Variants in SVEP1 observed in about 807,000 individuals in gnomAD.
The protein encoded by SVEP1 is sushi, von Willebrand factor type A, EGF and pentraxin domain containing 1, also known as sushi, von Willebrand factor type A, EGF and pentraxin domain-containing protein 1.
A neutral mutation model predicts 367.3 loss-of-function variants in SVEP1; 164 were observed. The observed-to-expected ratio is 0.45, with a 90% CI of 0.39 to 0.51. The LOEUF (loss-of-function observed/expected upper bound fraction) is 0.51, where lower values mean the gene tolerates loss of function less well. SVEP1 is among the 20% of genes least tolerant of loss of function. The pLI is 0.00. For synonymous variants in SVEP1, 1,666 were observed against 1,611.6 expected (o/e 1.03, Z -0.81); for missense variants, 4,117 against 4,425.3 (o/e 0.93, Z 1.98).
At chr9:110,494,726 A>G (rs527428983) in intron 8 of SVEP1, among the ~76,000 whole-genome samples, 1 of 152,162 alleles carries the variant, frequency 6.6e-6, no homozygotes, top group African/African-American at 2.4e-5. Flanking sequence ...CTTTGAGTTC[A>G]TGTTCTATTA....
At chr9:110,395,055 T>C (rs1827734343) in intron 40 of SVEP1, among the ~76,000 whole-genome samples, 2 of 152,282 alleles carry the variant, frequency 1.3e-5, no homozygotes, top group South Asian at 4.2e-4. Flanking sequence ...AATTGTCAGA[T>C]TCACCAAAGT....
chr9:110,392,120 A>G (rs1039705450), intron 40 of SVEP1, among the ~76,000 whole-genome samples: 10 of 114,590 alleles, frequency 8.7e-5, no homozygotes, highest in African/African-American at 3.6e-4. Flanking sequence ...TTAACTTGTG[A>G]CCCAATTCCT....
chr9:110,453,850 C>T (rs561154972), intron 22 of SVEP1, among the ~76,000 whole-genome samples: 2 of 148,272 alleles, frequency 1.3e-5, no homozygotes, highest in South Asian at 4.3e-4. Flanking sequence ...GCCTGGGCGA[C>T]ACAGCGAGAC....
In SVEP1 at chr9:110,549,945, G is replaced by A. The variant is rs754726492; in HGVS notation, c.691C>T (p.Leu231=). ...FGIWQGNIRE[L]NDMASTPKEE... ...TTTGGGGTGGAAGCCATGTCATTCAGCTCTCGAATGTTCCCTTGCCATATG... is the reference window on the plus strand; with the variant it reads ...TTTGGGGTGGAAGCCATGTCATTCAACTCTCGAATGTTCCCTTGCCATATG... The change falls in exon 2 of 48, where the codon CTG becomes TTG. Residue 231 remains leucine, a synonymous_variant. Coordinates refer to ENST00000374469, the MANE Select transcript of SVEP1 (RefSeq NM_153366.4). 2.5e-6 allele frequency: 4 copies of A among 1,614,020 alleles called. No individual in the cohort carries two copies. Among genetic ancestry groups the A allele is most frequent in the Non-Finnish European group, 3.4e-6 (4 of 1,179,896 alleles).
chr9:110,540,208 T>C (rs1830127375), intron 3 of SVEP1, among the ~76,000 whole-genome samples: 1 of 152,012 alleles, frequency 6.6e-6, no homozygotes, highest in Admixed American at 6.6e-5. Context: ...AGGTGAAAGG[T>C]AAAGGATGAA....
intron 46 of SVEP1, among the ~76,000 whole-genome samples, chr9:110,372,156 A>C (rs1257523227): frequency 1.3e-5 from 2 of 152,004 alleles, no homozygotes; most frequent in Non-Finnish European, 2.9e-5. Flanking sequence ...AGCTGCAATG[A>C]TTTTCTTCTG....
intron 1 of SVEP1, among the ~76,000 whole-genome samples, chr9:110,566,235 T>G (rs1830491334): frequency 6.6e-6 from 1 of 151,780 alleles, no homozygotes; most frequent in African/African-American, 2.4e-5. Context: ...TGTGGGAGAA[T>G]CACTTGAACC....
chr9:110,471,718 GA>G (rs1365853294), intron 15 of SVEP1, 121 bp from the exon 16 acceptor site: 10 of 709,294 alleles, frequency 1.4e-5, no homozygotes, highest in Admixed American at 9.1e-5. Flanking sequence ...GTGGTCTATA[GA>G]AAAAAAATAA....
intron 13 of SVEP1, 52 bp from the exon 14 acceptor site, chr9:110,476,367 T>C: frequency 7.3e-7 from 1 of 1,376,752 alleles, no homozygotes. Flanking sequence ...TCTGCATGCC[T>C]TGGATAAACA....
chr9:110,374,960 T>TG (rs1422461050), intron 46 of SVEP1, among the ~76,000 whole-genome samples: 6 of 15,158 alleles, frequency 4.0e-4, no homozygotes, highest in African/African-American at 3.7e-3. Context: ...GGATAAAGTG[T>TG]TTTTTTTTTC....
chr9:110,397,138 A>G (rs1409941886), intron 40 of SVEP1, among the ~76,000 whole-genome samples: 5 of 152,242 alleles, frequency 3.3e-5, no homozygotes, highest in Non-Finnish European at 4.4e-5. Flanking sequence ...CAAAAAGCTT[A>G]TCCACCATGA....
intron 38 of SVEP1, among the ~76,000 whole-genome samples, chr9:110,405,712 T>G (rs1242000749): frequency 1.3e-5 from 2 of 152,224 alleles, no homozygotes; most frequent in Non-Finnish European, 2.9e-5. Context: ...ATAAGATATT[T>G]CTTTTAATCC....
In SVEP1 at chr9:110,406,989, G is replaced by T; in HGVS notation, c.8611C>A (p.Arg2871=). Residue 2871 remains arginine (R), a synonymous_variant, in exon 38 of 48, where the codon CGG becomes AGG. Transcript: ENST00000374469. ...CAACTTCCATTGGCAAGACAAACCCGACTCCTGGCTCCCTCAAGCAAGAAC... is the reference window on the plus strand; with the variant it reads ...CAACTTCCATTGGCAAGACAAACCCTACTCCTGGCTCCCTCAAGCAAGAAC... ...EGFLLEGARS[R]VCLANGSWSG... 6.2e-7 allele frequency: 1 copy of T among 1,613,854 alleles called. No individual in the cohort carries two copies. Among genetic ancestry groups the T allele is most frequent in the Non-Finnish European group, 8.5e-7 (1 of 1,179,892 alleles).
At chr9:110,484,433 T>A (rs1829246212) in intron 9 of SVEP1, among the ~76,000 whole-genome samples, 1 of 152,152 alleles carries the variant, frequency 6.6e-6, no homozygotes, top group South Asian at 2.1e-4. Flanking sequence ...GAGCCAGGTT[T>A]CAAAGCCATG....
In SVEP1 at chr9:110,408,368, C is replaced by G. The variant is rs1248655544; in HGVS notation, c.7232G>C (p.Gly2411Ala). The change falls in exon 38 of 48, where the codon GGG (glycine) becomes GCG (alanine). Residue 2411 changes from glycine to alanine, a missense_variant. Physicochemically the swap from Gly to Ala is moderately conservative, Grantham distance 60. Around this residue, in one of 4 missense-constraint regions of SVEP1, gnomAD observed 1,765 missense variants for 1,781.1 expected, o/e 0.99. Transcript: ENST00000374469. ...GSTVKYSCVGGFFLRGNSTTL... is the reference protein window; with the variant it reads ...GSTVKYSCVGAFFLRGNSTTL... ...GGTAGAATTTCCTCTTAGGAAAAAC[C>G]CACCTACACAAGAATACTTGACAGT... 3.7e-6 allele frequency: 6 copies of G among 1,613,684 alleles called. No individual in the cohort carries two copies. The highest frequency in any genetic ancestry group is 1.3e-5 in the African/African-American group (1 of 74,880).
At chr9:110,438,578 C>T (rs1169143738) in intron 27 of SVEP1, among the ~76,000 whole-genome samples, 4 of 152,152 alleles carry the variant, frequency 2.6e-5, no homozygotes, top group Non-Finnish European at 5.9e-5. Flanking sequence ...CCCCTTATTA[C>T]TGGATGTTGG....
intron 24 of SVEP1, 29 bp from the exon 25 acceptor site, chr9:110,447,086 T>C (rs1338534750): frequency 6.9e-7 from 1 of 1,449,308 alleles, no homozygotes. Context: ...TTGTAACAAT[T>C]AGAACAGTTG....
chr9:110,533,486 A>G (rs1436274553), intron 3 of SVEP1, among the ~76,000 whole-genome samples: 3 of 152,176 alleles, frequency 2.0e-5, no homozygotes, highest in African/African-American at 7.2e-5. Flanking sequence ...ACAGTTGCAT[A>G]ATGACTGAAT....
rs185002172 is a variant in SVEP1 at position 110,474,490 on chromosome 9, C to T, written c.2599+1714G>A. On this transcript the variant is annotated intron_variant, in intron 14 of 47. Coordinates refer to ENST00000374469, the MANE Select transcript of SVEP1 (RefSeq NM_153366.4). ...TTTAGGATCACAGGATCACATGTGC[C>T]ACCTGCCCATGCTTTTTTCTCAAGA... Among the ~76,000 whole-genome samples, 52 of 152,184 alleles carry T rather than the reference C, an allele frequency of 3.4e-4. 1 individual carries two copies. Among genetic ancestry groups the T allele is most frequent in the Admixed American group, 5.2e-4 (8 of 15,276 alleles).
Sources: allele counts gnomAD v4.1 joint callset (sites outside exome capture counted in the v4.1 genomes callset), GRCh38; gene constraint gnomAD v4.1.1; regional missense constraint gnomAD v4.1.1; transcripts MANE v1.5; gene names NCBI Gene and HGNC (gene_info 2026-07-23, HGNC 2026-07-21).